Variants in PCMT1 observed in about 807,000 individuals in gnomAD.
The protein encoded by PCMT1 is protein-L-isoaspartate(D-aspartate) O-methyltransferase.
PCMT1 carries 9 observed loss-of-function variants against 29.2 expected under a neutral mutation model. The ratio of observed to expected loss-of-function variants is 0.31; its 90% CI spans 0.19 to 0.54. The LOEUF (loss-of-function observed/expected upper bound fraction) is 0.54. Ranked by LOEUF, PCMT1 falls within the 20% of genes least tolerant of loss-of-function variation. PCMT1 has a pLI of 0.95. For missense variants in PCMT1, 184 were observed against 282.2 expected (o/e 0.65, Z 2.49); for synonymous variants, 98 against 97.5 (o/e 1.00, Z -0.03).
intron 7 of PCMT1, 143 bp downstream of exon 7, chr6:149,802,559 CAT>C (rs2115339748): frequency 8.4e-7 from 1 of 1,184,724 alleles, no homozygotes; most frequent in Non-Finnish European, 1.1e-6. Flanking sequence ...TTTGGTTTAA[CAT>C]ATATATCTTT....
chr6:149,770,476 G>T (rs1402678820), intron 1 of PCMT1, among the ~76,000 whole-genome samples: 1 of 152,110 alleles, frequency 6.6e-6, no homozygotes, highest in African/African-American at 2.4e-5. Flanking sequence ...GGAGGCTGAG[G>T]TGGGTGGATC....
chr6:149,765,881 G>T (rs1374246287), intron 1 of PCMT1: 1 of 163,706 alleles, frequency 6.1e-6, no homozygotes, highest in Non-Finnish European at 1.3e-5. Context: ...CAGGAGAATT[G>T]CTTGAACCCG....
upstream of PCMT1, chr6:149,749,724 G>C (rs539452622): frequency 6.5e-6 from 10 of 1,541,512 alleles, no homozygotes; most frequent in Non-Finnish European, 8.7e-6. Context: ...GCGTGCCGCG[G>C]GGGATGCCGG....
chr6:149,802,395 TTTC>T lies in PCMT1; in HGVS notation c.*23_*25del, dbSNP rs1289825868. On this transcript the variant is annotated 3_prime_UTR_variant, in exon 7 of 8. Coordinates refer to ENST00000464889, the MANE Select transcript of PCMT1 (RefSeq NM_001360452.2). ...GTGGAAGTGATTTTATCTTCTGCTC[TTTC>T]TTCTTCCACACATGCAAGGTGAAAG... is the stretch of plus-strand genomic sequence containing the variant. The T allele has an allele frequency of 1.3e-6, 2 of 1,594,086 alleles. No homozygotes were observed.
At chr6:149,775,192 G>C (rs931077795) in intron 3 of PCMT1, among the ~76,000 whole-genome samples, 1 of 152,128 alleles carries the variant, frequency 6.6e-6, no homozygotes, top group Admixed American at 6.6e-5. Flanking sequence ...GGTTGGAGAA[G>C]CTCTTATTTA....
Position 149,779,727 on chromosome 6 carries a change from T to G in PCMT1, c.192+6558T>G, listed in dbSNP as rs562730512. On this transcript the variant is annotated intron_variant, in intron 3 of 7. Transcript: ENST00000464889. The stretch of plus-strand genomic sequence containing the variant: ...CAGGAGCCTGAGACAAGAGAATCAC[T>G]TGGACCTGGGGAGGGTGCAGGTTGC... 4.6e-5 allele frequency among the ~76,000 whole-genome samples: 7 copies of G among 152,114 alleles called. No homozygotes were observed. In the South Asian group the frequency reaches 1.5e-3, roughly 32 times the overall value.
Position 149,796,497 on chromosome 6 carries a change from G to C in PCMT1, c.501G>C (p.Gln167His). Residue 167 changes from glutamine (Q) to histidine (H), a missense_variant, in exon 6 of 8, where the codon CAG becomes CAC. Physicochemically the swap from Gln to His is conservative, Grantham distance 24. Transcript: ENST00000464889. ...GAGCTGCAGCCCCTGTTGTACCCCA[G>C]GCGGTGAGTCGGGATTTTTTCTGTT... ...HVGAAAPVVP[Q>H]ALIDQLKPGG... 6.2e-7 allele frequency: 1 copy of C among 1,610,738 alleles called. No individual in the cohort carries two copies. Among genetic ancestry groups the C allele is most frequent in the Non-Finnish European group, 8.5e-7 (1 of 1,178,310 alleles).
At chr6:149,766,803 C>T (rs1787104652) in intron 1 of PCMT1, among the ~76,000 whole-genome samples, 1 of 152,216 alleles carries the variant, frequency 6.6e-6, no homozygotes, top group South Asian at 2.1e-4. Context: ...CTCCTATCCT[C>T]TAGCAACTAC....
intron 1 of PCMT1, among the ~76,000 whole-genome samples, chr6:149,767,681 TG>T (rs760416408): frequency 4.0e-5 from 6 of 151,772 alleles, no homozygotes; most frequent in South Asian, 2.1e-4. Flanking sequence ...CTCGAACTCC[TG>T]GACTCAAGTG....
intron 4 of PCMT1, among the ~76,000 whole-genome samples, chr6:149,791,502 C>A (rs1000290183): frequency 6.6e-6 from 1 of 152,154 alleles, no homozygotes; most frequent in African/African-American, 2.4e-5. Flanking sequence ...TTGGAATATT[C>A]TGATCTAGTT....
chr6:149,802,660 C>A, intron 7 of PCMT1: 1 of 270,596 alleles, frequency 3.7e-6, no homozygotes, highest in Non-Finnish European at 6.4e-6. Flanking sequence ...AGCTTCAATT[C>A]AGTACTTTGT....
At chr6:149,755,509 T>G (rs1464096458) in intron 1 of PCMT1, among the ~76,000 whole-genome samples, 1 of 152,142 alleles carries the variant, frequency 6.6e-6, no homozygotes, top group African/African-American at 2.4e-5. Context: ...TTAAGGGTCT[T>G]GGACCGTATT....
chr6:149,763,984 A>G (rs1025158600), intron 1 of PCMT1, among the ~76,000 whole-genome samples: 2 of 152,222 alleles, frequency 1.3e-5, no homozygotes, highest in African/African-American at 4.8e-5. Flanking sequence ...TGAATGAGCT[A>G]GTAAGAACCA....
At chr6:149,801,053 GTAA>G in intron 6 of PCMT1, among the ~76,000 whole-genome samples, 1 of 152,322 alleles carries the variant, frequency 6.6e-6, no homozygotes, top group Middle Eastern at 3.4e-3. Flanking sequence ...TGATAGTTGA[GTAA>G]TAATATAACA....
rs546217814 is a variant in PCMT1 at position 149,796,013 on chromosome 6, A to G, written c.419-402A>G. 7.5e-4 allele frequency: 131 copies of G among 174,646 alleles called. 2 individuals carry two copies. Among genetic ancestry groups the G allele is most frequent in the Admixed American group, 3.3e-3 (55 of 16,856 alleles). The allele number at this position is 174,646 out of a possible 1,614,324, so 10.8% of individuals were successfully genotyped here. On this transcript the variant is annotated intron_variant, in intron 5 of 7. Transcript: ENST00000464889. Reference sequence around the variant, plus strand: ...ATCCTTAATCTGTTCACAGATATTTATTTACTAATGCTTTCGTTCTTAAGA... The same window carrying G: ...ATCCTTAATCTGTTCACAGATATTTGTTTACTAATGCTTTCGTTCTTAAGA...
Position 149,810,842 on chromosome 6 carries a change from A to G in PCMT1, c.*264A>G. On this transcript the variant is annotated 3_prime_UTR_variant, in exon 8 of 8. Coordinates refer to ENST00000464889, the MANE Select transcript of PCMT1 (RefSeq NM_001360452.2). ...AGGATGCAAAGTATAAATTTGTGTA[A>G]TATTACTTTAACATGCCCATATTTT... The G allele has an allele frequency of 2.3e-6, 1 of 432,126 alleles. No homozygotes were observed. The highest frequency in any genetic ancestry group is 3.2e-4 in the Middle Eastern group (1 of 3,146). The allele number at this position is 432,126 out of a possible 1,614,324, so 26.8% of individuals were successfully genotyped here. A position where few individuals can be genotyped will look rare whatever the true frequency, so the allele number is the denominator to read the frequency against.
At chr6:149,790,409 G>A (rs1473978149) in intron 4 of PCMT1, among the ~76,000 whole-genome samples, 2 of 152,018 alleles carry the variant, frequency 1.3e-5, no homozygotes, top group Non-Finnish European at 2.9e-5. Context: ...TCATTATCCG[G>A]TAAGCTCTAC....
At chr6:149,755,159 A>C (rs1483293472) in intron 1 of PCMT1, among the ~76,000 whole-genome samples, 1 of 152,154 alleles carries the variant, frequency 6.6e-6, no homozygotes, top group Non-Finnish European at 1.5e-5. Context: ...TAATCTCAGA[A>C]CTTTGGGAGG....
intron 3 of PCMT1, among the ~76,000 whole-genome samples, chr6:149,787,828 T>C (rs1788187383): frequency 6.6e-6 from 1 of 150,964 alleles, no homozygotes; most frequent in African/African-American, 2.4e-5. Context: ...CTCCTCTGTG[T>C]GTGTGTGTGT....
Sources: allele counts gnomAD v4.1 joint callset (sites outside exome capture counted in the v4.1 genomes callset), GRCh38; gene constraint gnomAD v4.1.1; transcripts MANE v1.5; gene names NCBI Gene and HGNC (gene_info 2026-07-23, HGNC 2026-07-21).